Variants in TMTC2 observed in about 807,000 individuals in gnomAD.
TMTC2 encodes the protein protein O-mannosyl-transferase TMTC2.
In TMTC2, 43 loss-of-function variants were observed where a neutral mutation model predicts 82.4. The ratio of observed to expected loss-of-function variants is 0.52; its 90% confidence interval spans 0.41 to 0.67. TMTC2 has a LOEUF of 0.67. TMTC2 is among the 30% of genes least tolerant of loss of function. TMTC2 has a pLI of 0.00. For synonymous variants in TMTC2, 408 were observed against 381.9 expected (o/e 1.07, Z -0.80); for missense variants, 919 against 1,012.4 (o/e 0.91, Z 1.25).
At chr12:82,893,055 T>C (rs1359972535) in intron 2 of TMTC2, among the ~76,000 whole-genome samples, 2 of 152,108 alleles carry the variant, frequency 1.3e-5, no homozygotes, top group Non-Finnish European at 2.9e-5. Context: ...AATGAGGCTT[T>C]GAAGTATTTC....
intron 11 of TMTC2, among the ~76,000 whole-genome samples, chr12:83,085,388 G>A (rs1436945989): frequency 3.3e-5 from 5 of 152,116 alleles, no homozygotes; most frequent in African/African-American, 4.8e-5. Context: ...TTTAATTGCA[G>A]TCAGAGACAG....
Position 82,687,430 on chromosome 12 carries a change from G to C in TMTC2, c.-157G>C, listed in dbSNP as rs1402260448. ...GGGCGCGAGGAGGAGGAGAGGAGTC[G>C]TGGATTGGAAGGACCCGAGGGAGGG... On this transcript the variant is annotated 5_prime_UTR_variant, in exon 1 of 12. Coordinates refer to ENST00000321196, the MANE Select transcript of TMTC2 (RefSeq NM_152588.3). 1.2e-5 allele frequency: 8 copies of C among 678,734 alleles called. No individual in the cohort carries two copies. Among genetic ancestry groups the C allele is most frequent in the Non-Finnish European group, 2.0e-5 (8 of 397,474 alleles). The allele number at this position is 678,734 out of a possible 1,614,324, so 42.0% of individuals were successfully genotyped here. A position where few individuals can be genotyped will look rare whatever the true frequency, so the allele number is the denominator to read the frequency against.
chr12:82,778,718 G>A (rs1877725829), intron 1 of TMTC2, among the ~76,000 whole-genome samples: 1 of 150,830 alleles, frequency 6.6e-6, no homozygotes, highest in East Asian at 1.9e-4. Context: ...GCGTAGTGGC[G>A]GGCGCCTGTA....
intron 4 of TMTC2, among the ~76,000 whole-genome samples, chr12:82,956,327 A>G (rs1212241405): frequency 1.3e-5 from 2 of 152,170 alleles, no homozygotes; most frequent in East Asian, 3.8e-4. Context: ...GCTGTCTTCA[A>G]GAGAAACATC....
chr12:82,703,378 G>A (rs1873175234), intron 1 of TMTC2, among the ~76,000 whole-genome samples: 1 of 152,134 alleles, frequency 6.6e-6, no homozygotes, highest in Admixed American at 6.5e-5. Context: ...CTTCCTTGCT[G>A]ATGATACAGT....
chr12:82,863,931 G>A (rs1431057706), intron 2 of TMTC2, among the ~76,000 whole-genome samples: 1 of 152,162 alleles, frequency 6.6e-6, no homozygotes, highest in Admixed American at 6.5e-5. Context: ...ATTGAGAATG[G>A]TGGGGGAGTT....
chr12:82,770,978 G>A (rs1466288271), intron 1 of TMTC2, among the ~76,000 whole-genome samples: 1 of 152,132 alleles, frequency 6.6e-6, no homozygotes, highest in Non-Finnish European at 1.5e-5. Flanking sequence ...GGAGGCTGAG[G>A]TGGGCGGATC....
chr12:83,098,608 G>A (rs1181883484), intron 11 of TMTC2, among the ~76,000 whole-genome samples: 1 of 152,110 alleles, frequency 6.6e-6, no homozygotes, highest in Non-Finnish European at 1.5e-5. Context: ...TTCTTTTCAC[G>A]CTTTTTTGTG....
chr12:83,052,304 T>A (rs77000668), intron 10 of TMTC2, among the ~76,000 whole-genome samples: 1 of 152,158 alleles, frequency 6.6e-6, no homozygotes, highest in Admixed American at 6.6e-5. Flanking sequence ...GACATTTTAG[T>A]TGAATGTCAT....
At chr12:82,823,465 A>G (rs1220566120) in intron 1 of TMTC2, among the ~76,000 whole-genome samples, 3 of 152,164 alleles carry the variant, frequency 2.0e-5, no homozygotes, top group African/African-American at 4.8e-5. Flanking sequence ...TTATATGAGT[A>G]CTCTGCTAGG....
chr12:82,843,929 C>T (rs1870487034), intron 1 of TMTC2, among the ~76,000 whole-genome samples: 1 of 152,034 alleles, frequency 6.6e-6, no homozygotes, highest in East Asian at 1.9e-4. Context: ...GCCTGGGCGA[C>T]AGAGTGAGAC....
At chr12:82,857,613 A>G in intron 2 of TMTC2, 33 bp downstream of exon 2, 1 of 1,548,738 alleles carries the variant, frequency 6.5e-7, no homozygotes, top group Non-Finnish European at 8.7e-7. Context: ...GCATTGGATT[A>G]CTGAGTAATC....
intron 3 of TMTC2, among the ~76,000 whole-genome samples, chr12:82,902,408 C>T (rs371017544): frequency 1.3e-5 from 2 of 152,330 alleles, no homozygotes; most frequent in South Asian, 4.1e-4. Context: ...TGCTGTGTCT[C>T]TGGATTTGTC....
chr12:82,901,478 T>C (rs765534690), intron 3 of TMTC2, among the ~76,000 whole-genome samples: 6 of 151,262 alleles, frequency 4.0e-5, no homozygotes, highest in Non-Finnish European at 7.4e-5. Context: ...CTAATTTTTG[T>C]ATTTTTAGTA....
chr12:83,103,254 G>A (rs1399560897), intron 11 of TMTC2, among the ~76,000 whole-genome samples: 1 of 152,210 alleles, frequency 6.6e-6, no homozygotes. Context: ...AGCAGAGCCT[G>A]TAACTCCCAA....
chr12:83,069,292 T>C lies in TMTC2; in HGVS notation c.2331+7461T>C, dbSNP rs528524451. Among the ~76,000 whole-genome samples, 47 of 152,332 alleles carry C rather than the reference T, an allele frequency of 3.1e-4. No homozygotes were observed. In the South Asian group the frequency reaches 9.5e-3, roughly 31 times the overall value. ...TCCACACCATTTTCCATAGTAGTTG[T>C]ACTAGTTTACATTCCCACCAGCAGT... On this transcript the variant is annotated intron_variant, in intron 11 of 11. Transcript: ENST00000321196.
intron 11 of TMTC2, among the ~76,000 whole-genome samples, chr12:83,117,590 A>G (rs1300172622): frequency 6.6e-6 from 1 of 152,202 alleles, no homozygotes; most frequent in African/African-American, 2.4e-5. Context: ...AGGTAATGTG[A>G]TGCCTCCAGA....
At chr12:83,001,576 C>T (rs568161454) in intron 8 of TMTC2, among the ~76,000 whole-genome samples, 6 of 147,312 alleles carry the variant, frequency 4.1e-5, no homozygotes, top group Non-Finnish European at 5.9e-5. Context: ...CGGAGGTTGC[C>T]GTGAGCCGAG....
intron 1 of TMTC2, among the ~76,000 whole-genome samples, chr12:82,834,373 C>T (rs893005318): frequency 6.6e-6 from 1 of 152,224 alleles, no homozygotes; most frequent in Non-Finnish European, 1.5e-5. Context: ...GCCCTTGTAA[C>T]TCTATAACCT....
Sources: gnomAD v4.1 joint callset for allele counts (sites outside exome capture counted in the v4.1 genomes callset) on GRCh38, gnomAD v4.1.1 for gene constraint, MANE v1.5 for transcripts, NCBI Gene and HGNC (gene_info 2026-07-23, HGNC 2026-07-21) for gene names.